Variants in NTF3 observed in about 807,000 individuals in gnomAD.
NTF3 encodes neurotrophin 3.
Under a neutral mutation model 26.3 loss-of-function variants are expected in NTF3, and 8 were observed. The ratio of observed to expected loss-of-function variants is 0.30; its 90% CI spans 0.18 to 0.55. The LOEUF (loss-of-function observed/expected upper bound fraction) is 0.55. Among genes scored for constraint, NTF3 ranks in the 20% least tolerant of loss-of-function variants. The probability of loss-of-function intolerance (pLI) is 0.93; values close to 1 mark genes in which losing one functional copy is unlikely to be tolerated. For synonymous variants in NTF3, 154 were observed against 145.5 expected (o/e 1.06, Z -0.42); for missense variants, 276 against 352.9 (o/e 0.78, Z 1.75).
At position 5,434,074 on chromosome 12, in the gene NTF3, T is replaced by C. The variant is rs187220794; in HGVS notation, c.18+1732T>C. 4.5e-4 allele frequency among the ~76,000 whole-genome samples: 68 copies of C among 152,324 alleles called. No individual in the cohort carries two copies. In the East Asian group the frequency reaches 0.011, roughly 25 times the overall value. On this transcript the variant is annotated intron_variant, in intron 1 of 1. Transcript: ENST00000423158. ...ATAGAGGAGACTTTTCCAGAGGTCC[T>C]GTTTTCACAACACTCAGAAGTTCTC...
intron 1 of NTF3, among the ~76,000 whole-genome samples, chr12:5,475,898 G>GAGAA (rs144208778): frequency 0.027 from 3,793 of 139,124 alleles, 98 homozygotes; most frequent in African/African-American, 0.065. Context: ...GAAAGAAAAA[G>GAGAA]AGAAAGAAAG....
rs377122733 is a variant in NTF3, at chr12:5,433,807, G to A, written c.18+1465G>A. Reference sequence around the variant, plus strand: ...AGCTAGAGAGCTCGGGAGACTGTGCGCCTGTGGACTTGTTTATGTGTGTGA... The same window carrying A: ...AGCTAGAGAGCTCGGGAGACTGTGCACCTGTGGACTTGTTTATGTGTGTGA... On this transcript the variant is annotated intron_variant, in intron 1 of 1. Coordinates refer to ENST00000423158, the MANE Select transcript of NTF3 (RefSeq NM_001102654.2). This position sits in a 1 kb window ranked among gnomAD's most constrained non-coding sequence, Gnocchi z 4.6. 4.9e-4 allele frequency among the ~76,000 whole-genome samples: 74 copies of A among 152,074 alleles called. No homozygotes were observed. In the Middle Eastern group the frequency reaches 0.01, roughly 21 times the overall value.
At chr12:5,490,299 T>C (rs554441540) in intron 1 of NTF3, among the ~76,000 whole-genome samples, 1 of 152,208 alleles carries the variant, frequency 6.6e-6, no homozygotes, top group East Asian at 1.9e-4. Flanking sequence ...ATTCAGTAAA[T>C]AGACGTCGAA....
chr12:5,470,878 T>C (rs535717800), intron 1 of NTF3, among the ~76,000 whole-genome samples: 3 of 152,204 alleles, frequency 2.0e-5, no homozygotes, highest in Non-Finnish European at 4.4e-5. Flanking sequence ...GCCCAGATGA[T>C]TTCTGATAAA....
intron 1 of NTF3, among the ~76,000 whole-genome samples, chr12:5,455,545 C>A: frequency 8.8e-6 from 1 of 113,476 alleles, no homozygotes; most frequent in East Asian, 2.7e-4. Context: ...CACACACACA[C>A]ACACACACAC....
At chr12:5,461,804 G>T (rs1356836885) in intron 1 of NTF3, among the ~76,000 whole-genome samples, 1 of 152,144 alleles carries the variant, frequency 6.6e-6, no homozygotes, top group Non-Finnish European at 1.5e-5. Context: ...GCAGCCTACA[G>T]GAAGAAGCCC....
At chr12:5,469,422 G>A (rs373646934) in intron 1 of NTF3, among the ~76,000 whole-genome samples, 17 of 152,156 alleles carry the variant, frequency 1.1e-4, no homozygotes, top group African/African-American at 4.1e-4. Context: ...CCTGTGTAGA[G>A]TCCCATGAGA....
At chr12:5,493,585 G>A (rs1029557010) in intron 1 of NTF3, among the ~76,000 whole-genome samples, 2 of 152,134 alleles carry the variant, frequency 1.3e-5, no homozygotes, top group African/African-American at 4.8e-5. Context: ...CTCTCGCGGA[G>A]TGGGTAGTGG....
Position 5,495,197 on chromosome 12 carries a change from A to C in NTF3, c.*209A>C. ...CCCATCTGTTAAAACTTGTTTTGTG[A>C]TCCGGCTCTCAGGAGTCACTCTGTA... is the stretch of plus-strand genomic sequence containing the variant. On this transcript the variant is annotated 3_prime_UTR_variant, in exon 2 of 2. Coordinates refer to ENST00000423158, the MANE Select transcript of NTF3 (RefSeq NM_001102654.2). 1.8e-6 allele frequency: 1 copy of C among 569,850 alleles called. No individual in the cohort carries two copies. Among genetic ancestry groups the C allele is most frequent in the Non-Finnish European group, 3.1e-6 (1 of 322,428 alleles). The allele number at this position is 569,850 out of a possible 1,614,324, so 35.3% of individuals were successfully genotyped here.
In NTF3 at chr12:5,494,146, AG is replaced by A; in HGVS notation, c.19-47del. On this transcript the variant is annotated intron_variant, in intron 1 of 1. Coordinates refer to ENST00000423158, the MANE Select transcript of NTF3 (RefSeq NM_001102654.2). This position sits in a 1 kb window ranked among gnomAD's most constrained non-coding sequence, Gnocchi z 8.3. The stretch of plus-strand genomic sequence containing the variant: ...CAGGTAGCTGGTGCCAGAATAACAC[AG>A]ACTCAGCTGCCAGAGCCTGCTCTTA... The A allele has an allele frequency of 6.4e-7, 1 of 1,573,394 alleles. No individual in the cohort carries two copies.
At chr12:5,474,577 A>G (rs184983045) in intron 1 of NTF3, among the ~76,000 whole-genome samples, 216 of 152,322 alleles carry the variant, frequency 1.4e-3, no homozygotes, top group Non-Finnish European at 2.3e-3. Context: ...GATGAAGGGC[A>G]GACAATGCTG....
In NTF3 at chr12:5,462,419, T is replaced by G. The variant is rs1940536319; in HGVS notation, c.18+30077T>G. Among the ~76,000 whole-genome samples, 4 of 152,332 alleles carry G rather than the reference T, an allele frequency of 2.6e-5. No individual in the cohort carries two copies. The South Asian group carries it at 8.3e-4, about 32-fold the overall frequency. ...TCTCTAACCTCAGCTTTCTCCTCTA[T>G]AATAAGAAATAATGCTTACCACAGA... On this transcript the variant is annotated intron_variant, in intron 1 of 1. Transcript: ENST00000423158.
rs1940993242 is a variant in NTF3, at chr12:5,495,166, G to T, written c.*178G>T. 2 of 675,162 alleles carry T rather than the reference G, an allele frequency of 3.0e-6. No individual in the cohort carries two copies. Among genetic ancestry groups the T allele is most frequent in the Non-Finnish European group, 4.9e-6 (2 of 408,172 alleles). 41.8% of individuals were successfully genotyped at this position (675,162 alleles called of 1,614,324 possible). A position where few individuals can be genotyped will look rare whatever the true frequency, so the allele number is the denominator to read the frequency against. The stretch of plus-strand genomic sequence containing the variant: ...AATCAGTGTGCTTGCCTTCCCTCAG[G>T]CCTCTCCCATCTGTTAAAACTTGTT... On this transcript the variant is annotated 3_prime_UTR_variant, in exon 2 of 2. Transcript: ENST00000423158.
At chr12:5,436,229 G>T (rs554744631) in intron 1 of NTF3, among the ~76,000 whole-genome samples, 1 of 152,258 alleles carries the variant, frequency 6.6e-6, no homozygotes, top group South Asian at 2.1e-4. Context: ...CATATGTTTG[G>T]GAGGACTTTA....
In NTF3 at chr12:5,464,992, T is replaced by C. The variant is rs192782236; in HGVS notation, c.19-29202T>C. On this transcript the variant is annotated intron_variant, in intron 1 of 1. Transcript: ENST00000423158. Reference sequence around the variant, plus strand: ...TCTTCATTCTTCTCTTCAGCATCCATTTAAGACTCACATTTTATCACCAGA... The same window carrying C: ...TCTTCATTCTTCTCTTCAGCATCCACTTAAGACTCACATTTTATCACCAGA... 2.2e-3 allele frequency among the ~76,000 whole-genome samples: 331 copies of C among 152,300 alleles called. 1 individual carries two copies. Among genetic ancestry groups the C allele is most frequent in the Non-Finnish European group, 2.4e-3 (161 of 68,026 alleles).
At position 5,472,271 on chromosome 12, in the gene NTF3, G is replaced by A. The variant is rs573425568; in HGVS notation, c.19-21923G>A. ...AAGGGAAAGTATAAGCAGGCAGCTC[G>A]TGCGCATGAGCATTTGGGAAACAGA... On this transcript the variant is annotated intron_variant, in intron 1 of 1. Transcript: ENST00000423158. Among the ~76,000 whole-genome samples the A allele has an allele frequency of 1.1e-3, 164 of 152,298 alleles. 1 individual carries two copies. Among genetic ancestry groups the A allele is most frequent in the African/African-American group, 3.8e-3 (159 of 41,558 alleles).
chr12:5,471,348 G>A (rs1003438778), intron 1 of NTF3, among the ~76,000 whole-genome samples: 7 of 152,310 alleles, frequency 4.6e-5, no homozygotes, highest in African/African-American at 1.7e-4. Flanking sequence ...CAGAAGCACT[G>A]TGTGAGTTTG....
At chr12:5,474,570 G>C (rs924265123) in intron 1 of NTF3, among the ~76,000 whole-genome samples, 1 of 152,188 alleles carries the variant, frequency 6.6e-6, no homozygotes, top group Non-Finnish European at 1.5e-5. Context: ...GCCAGACGAT[G>C]AAGGGCAGAC....
At position 5,432,209 on chromosome 12, in the gene NTF3, T is replaced by C. The variant is rs1394337374; in HGVS notation, c.-116T>C. The C allele has an allele frequency of 4.0e-5, 48 of 1,189,020 alleles. No homozygotes were observed. Among genetic ancestry groups the C allele is most frequent in the Non-Finnish European group, 5.6e-5 (45 of 797,416 alleles). 73.7% of individuals were successfully genotyped at this position (1,189,020 alleles called of 1,614,324 possible). ...CTTCTCTCTCCTTTCTTTCTTCCTCTCCTTTTTCCCCTGCTGGGTAGTGGC... is the reference window on the plus strand; with the variant it reads ...CTTCTCTCTCCTTTCTTTCTTCCTCCCCTTTTTCCCCTGCTGGGTAGTGGC... On this transcript the variant is annotated 5_prime_UTR_variant, in exon 1 of 2. Coordinates refer to ENST00000423158, the MANE Select transcript of NTF3 (RefSeq NM_001102654.2).
Sources: allele counts gnomAD v4.1 joint callset (sites outside exome capture counted in the v4.1 genomes callset), GRCh38; gene constraint gnomAD v4.1.1; non-coding constraint Gnocchi (gnomAD v3.1); transcripts MANE v1.5; gene names NCBI Gene and HGNC (gene_info 2026-07-23, HGNC 2026-07-21).